MSRA: variants seen among roughly 807,000 people sequenced by gnomAD.
The protein encoded by MSRA is methionine sulfoxide reductase A.
A neutral mutation model predicts 31.3 loss-of-function variants in MSRA; 54 were observed. The observed-to-expected ratio is 1.73, with a 90% CI of 1.39 to 2.17. The LOEUF (loss-of-function observed/expected upper bound fraction) is 2.17, where lower values mean the gene tolerates loss of function less well. MSRA is among the 30% of genes most tolerant of loss of function. MSRA has a pLI of 0.00. For missense variants in MSRA, 507 were observed against 300.9 expected (o/e 1.69, Z -5.07); for synonymous variants, 169 against 116.5 (o/e 1.45, Z -2.90).
intron 1 of MSRA, among the ~76,000 whole-genome samples, chr8:10,167,898 T>C (rs941146740): frequency 2.0e-5 from 3 of 152,164 alleles, no homozygotes; most frequent in African/African-American, 7.2e-5. Flanking sequence ...GAAGGCCCTA[T>C]ACCCTGATGT....
At chr8:10,211,847 G>A (rs886129425) in intron 2 of MSRA, among the ~76,000 whole-genome samples, 1 of 152,074 alleles carries the variant, frequency 6.6e-6, no homozygotes, top group African/African-American at 2.4e-5. Context: ...TCCAGCCTCT[G>A]CAGAAGTGCT....
chr8:10,415,197 T>A (rs1476193040), intron 5 of MSRA, among the ~76,000 whole-genome samples: 3 of 152,162 alleles, frequency 2.0e-5, no homozygotes, highest in Non-Finnish European at 4.4e-5. Flanking sequence ...GCCAGCCCTG[T>A]CCAGCCTGGT....
intron 1 of MSRA, among the ~76,000 whole-genome samples, chr8:10,199,845 G>T (rs1723224021): frequency 1.3e-5 from 2 of 152,064 alleles, no homozygotes; most frequent in African/African-American, 4.8e-5. Context: ...TTGAGTGTAG[G>T]ATCTGTGAAA....
intron 1 of MSRA, among the ~76,000 whole-genome samples, chr8:10,174,363 A>G (rs898766736): frequency 2.6e-5 from 4 of 151,916 alleles, no homozygotes; most frequent in Non-Finnish European, 5.9e-5. Flanking sequence ...CTAGGGGTGG[A>G]CTCGGGATGG....
intron 1 of MSRA, among the ~76,000 whole-genome samples, chr8:10,152,508 C>T (rs1459344554): frequency 6.6e-6 from 1 of 152,064 alleles, no homozygotes; most frequent in African/African-American, 2.4e-5. Flanking sequence ...AGGCTGATTT[C>T]AGGATGGATA....
intron 5 of MSRA, among the ~76,000 whole-genome samples, chr8:10,418,888 G>T (rs570679719): frequency 1.1e-3 from 163 of 146,300 alleles, no homozygotes; most frequent in Middle Eastern, 4.0e-3. Context: ...AGCCTGAGAG[G>T]TCAAAGTTGC....
At chr8:10,407,454 A>G (rs1178982962) in intron 5 of MSRA, among the ~76,000 whole-genome samples, 2 of 152,166 alleles carry the variant, frequency 1.3e-5, no homozygotes, top group Non-Finnish European at 2.9e-5. Flanking sequence ...TTCTGGATGA[A>G]CTGTCAAGCT....
At chr8:10,096,871 G>C (rs563443577) in intron 1 of MSRA, among the ~76,000 whole-genome samples, 3 of 152,242 alleles carry the variant, frequency 2.0e-5, no homozygotes, top group Middle Eastern at 3.4e-3. Context: ...AGTTTGACTT[G>C]TAGGATTAAG....
chr8:10,256,980 A>G (rs1304661930), intron 3 of MSRA, among the ~76,000 whole-genome samples: 5 of 152,164 alleles, frequency 3.3e-5, no homozygotes, highest in Admixed American at 1.3e-4. Flanking sequence ...TCTTTCCTTC[A>G]TAATAGCTCA....
chr8:10,170,556 A>G lies in MSRA; in HGVS notation c.143-37277A>G, dbSNP rs546663230. 4.6e-5 allele frequency among the ~76,000 whole-genome samples: 7 copies of G among 152,352 alleles called. No homozygotes were observed. The East Asian group carries it at 1.4e-3, about 29-fold the overall frequency. On this transcript the variant is annotated intron_variant, in intron 1 of 5. Transcript: ENST00000317173. Reference sequence around the variant, plus strand: ...CAGTGGATTCAACGAAACTTGGATCAAAAATGTTTTTAAAAAAAACACAAA... The same window carrying G: ...CAGTGGATTCAACGAAACTTGGATCGAAAATGTTTTTAAAAAAAACACAAA...
intron 5 of MSRA, among the ~76,000 whole-genome samples, chr8:10,390,849 G>A (rs1028710994): frequency 3.3e-5 from 5 of 152,080 alleles, no homozygotes; most frequent in Admixed American, 6.5e-5. Context: ...GGTGGCAGGC[G>A]CCTGTAGTCC....
chr8:10,155,057 T>C (rs1387143430), intron 1 of MSRA, among the ~76,000 whole-genome samples: 1 of 148,496 alleles, frequency 6.7e-6, no homozygotes, highest in African/African-American at 2.5e-5. Context: ...AAGCTTATTT[T>C]ATGATTAACA....
At chr8:10,302,589 A>C (rs1800906666) in intron 4 of MSRA, among the ~76,000 whole-genome samples, 1 of 152,220 alleles carries the variant, frequency 6.6e-6, no homozygotes, top group African/African-American at 2.4e-5. Context: ...GTGGGTCCTG[A>C]GTGCTGGTTC....
At chr8:10,164,512 A>G (rs1341486667) in intron 1 of MSRA, among the ~76,000 whole-genome samples, 5 of 152,142 alleles carry the variant, frequency 3.3e-5, no homozygotes, top group African/African-American at 1.2e-4. Context: ...AGGACTCCTG[A>G]ATAGGCCGAA....
intron 1 of MSRA, among the ~76,000 whole-genome samples, chr8:10,173,149 A>G (rs141168245): frequency 1.3e-5 from 2 of 152,366 alleles, no homozygotes; most frequent in African/African-American, 4.8e-5. Context: ...CCTTAATACA[A>G]ACTGTTTTAT....
chr8:10,338,492 C>T (rs1249256062), intron 5 of MSRA, among the ~76,000 whole-genome samples: 2 of 152,046 alleles, frequency 1.3e-5, no homozygotes, highest in Admixed American at 6.6e-5. Flanking sequence ...ACATTTAACA[C>T]GTCTCACCAT....
intron 1 of MSRA, among the ~76,000 whole-genome samples, chr8:10,192,520 A>G (rs926681970): frequency 6.6e-6 from 1 of 152,358 alleles, no homozygotes; most frequent in East Asian, 1.9e-4. Context: ...TTGCAATTGA[A>G]CAGTGGTTGT....
intron 1 of MSRA, among the ~76,000 whole-genome samples, chr8:10,080,993 G>A (rs1338312332): frequency 6.6e-6 from 1 of 152,206 alleles, no homozygotes; most frequent in Non-Finnish European, 1.5e-5. Context: ...AGTAGCAAAC[G>A]GGAAACAGGC....
intron 5 of MSRA, among the ~76,000 whole-genome samples, chr8:10,395,220 G>C (rs1382172240): frequency 6.6e-6 from 1 of 152,092 alleles, no homozygotes; most frequent in Non-Finnish European, 1.5e-5. Flanking sequence ...AGATGTGTAG[G>C]GTTTTTAACA....
Sources: allele counts gnomAD v4.1 joint callset (sites outside exome capture counted in the v4.1 genomes callset), GRCh38; gene constraint gnomAD v4.1.1; transcripts MANE v1.5; gene names NCBI Gene and HGNC (gene_info 2026-07-23, HGNC 2026-07-21).